Variants in NOL10 observed in about 807,000 individuals in gnomAD.
NOL10 encodes the protein H_NH0074G24.1.
In NOL10, 58 loss-of-function variants were observed where a neutral mutation model predicts 103.5. The ratio of observed to expected loss-of-function variants is 0.56; its 90% CI spans 0.45 to 0.70. The LOEUF (loss-of-function observed/expected upper bound fraction) is 0.70. Among genes scored for constraint, NOL10 ranks in the 30% least tolerant of loss-of-function variants. The pLI is 0.00. For missense variants in NOL10, 763 were observed against 807.3 expected (o/e 0.95, Z 0.67); for synonymous variants, 287 against 282.5 (o/e 1.02, Z -0.16).
At chr2:10,645,496 G>C (rs1678994996) in intron 12 of NOL10, among the ~76,000 whole-genome samples, 1 of 151,072 alleles carries the variant, frequency 6.6e-6, no homozygotes, top group African/African-American at 2.4e-5. Context: ...TGAGTGAATA[G>C]AGTCAATTAC....
chr2:10,638,792 CTTTTTTTTTTTTTT>C (rs575658225), intron 13 of NOL10, among the ~76,000 whole-genome samples: 5,864 of 53,080 alleles, frequency 0.11, 282 homozygotes, highest in Admixed American at 0.18. Context: ...CGTGCCTGGC[CTTTTTTTTTTTTTT>C]TTTTTTTTTT....
chr2:10,637,357 C>T (rs910754187), intron 13 of NOL10, among the ~76,000 whole-genome samples: 3 of 152,080 alleles, frequency 2.0e-5, no homozygotes, highest in Non-Finnish European at 4.4e-5. Context: ...AATGTCCATG[C>T]CATTTCCCTA....
chr2:10,657,759 T>A lies in NOL10; in HGVS notation c.889A>T (p.Met297Leu). The change falls in exon 11 of 21, where the codon ATG (methionine) becomes TTG (leucine). Residue 297 changes from methionine to leucine, a missense_variant. Coordinates refer to ENST00000381685, the MANE Select transcript of NOL10 (RefSeq NM_024894.4). Reference sequence around the variant, plus strand: ...ATACATACGGAGTTCTTATTCCACATCTTGACAATTCGAGAGTCAGCAGAC... The same window carrying A: ...ATACATACGGAGTTCTTATTCCACAACTTGACAATTCGAGAGTCAGCAGAC... ...ILSADSRIVK[M>L]WNKNSGKIFT... 6.4e-7 allele frequency: 1 copy of A among 1,550,780 alleles called. No homozygotes were observed. Among genetic ancestry groups the A allele is most frequent in the Non-Finnish European group, 8.7e-7 (1 of 1,146,706 alleles).
At chr2:10,618,575 C>G (rs1297488878) in intron 13 of NOL10, among the ~76,000 whole-genome samples, 1 of 152,226 alleles carries the variant, frequency 6.6e-6, no homozygotes, top group Middle Eastern at 3.4e-3. Flanking sequence ...ATGTGTTTTC[C>G]TATTTTTGTA....
At chr2:10,661,908 G>GAA (rs1249443174) in intron 9 of NOL10, among the ~76,000 whole-genome samples, 1 of 143,112 alleles carries the variant, frequency 7.0e-6, no homozygotes, top group African/African-American at 2.5e-5. Flanking sequence ...AAGCAAATCG[G>GAA]AAAAAAAAAA....
At chr2:10,611,656 C>T (rs1000081486) in intron 13 of NOL10, among the ~76,000 whole-genome samples, 4 of 152,102 alleles carry the variant, frequency 2.6e-5, no homozygotes, top group Non-Finnish European at 5.9e-5. Context: ...TGGCTCACAC[C>T]TGTAATCCCA....
chr2:10,611,205 A>G (rs1021118464), intron 13 of NOL10, among the ~76,000 whole-genome samples: 5 of 152,238 alleles, frequency 3.3e-5, no homozygotes, highest in African/African-American at 4.8e-5. Flanking sequence ...AATGATAATC[A>G]TATCAACCAA....
At chr2:10,667,827 T>G (rs998330916) in intron 7 of NOL10, among the ~76,000 whole-genome samples, 7 of 148,784 alleles carry the variant, frequency 4.7e-5, no homozygotes, top group East Asian at 2.0e-4. Flanking sequence ...CTACTACAAG[T>G]TTTTTTTTTA....
intron 13 of NOL10, chr2:10,634,516 G>T (rs1377449635): frequency 2.2e-6 from 1 of 456,600 alleles, no homozygotes; most frequent in Admixed American, 2.3e-5. Flanking sequence ...TGGAGAAGCC[G>T]AGTAGACTGG....
At chr2:10,654,064 C>G (rs1046837682) in intron 12 of NOL10, among the ~76,000 whole-genome samples, 6 of 152,186 alleles carry the variant, frequency 3.9e-5, no homozygotes, top group African/African-American at 1.4e-4. Flanking sequence ...TTTACAAAAC[C>G]TATGGCTTCA....
At chr2:10,606,429 A>C (rs1676262698) in intron 14 of NOL10, among the ~76,000 whole-genome samples, 1 of 151,946 alleles carries the variant, frequency 6.6e-6, no homozygotes, top group African/African-American at 2.4e-5. Flanking sequence ...GTTCAAGACC[A>C]GCCCGGCCAA....
At chr2:10,637,188 CAAAAAAAAAAA>C (rs61693251) in intron 13 of NOL10, among the ~76,000 whole-genome samples, 2 of 44,524 alleles carry the variant, frequency 4.5e-5, no homozygotes, top group African/African-American at 8.5e-5. Context: ...GACACTGTCT[CAAAAAAAAAAA>C]AAAAAAAAAA....
intron 13 of NOL10, among the ~76,000 whole-genome samples, chr2:10,640,175 A>G (rs776696081): frequency 5.3e-5 from 8 of 152,208 alleles, no homozygotes; most frequent in Non-Finnish European, 1.0e-4. Flanking sequence ...TCATACATTA[A>G]ACACACATTT....
At chr2:10,664,976 C>T (rs571303132) in intron 8 of NOL10, among the ~76,000 whole-genome samples, 90 of 152,310 alleles carry the variant, frequency 5.9e-4, no homozygotes, top group Non-Finnish European at 9.7e-4. Context: ...GTGTTCTTGT[C>T]TATCATTTGA....
At chr2:10,601,145 C>T (rs1675953696) in intron 16 of NOL10, among the ~76,000 whole-genome samples, 2 of 151,930 alleles carry the variant, frequency 1.3e-5, no homozygotes, top group South Asian at 4.1e-4. Flanking sequence ...CTCACTGCAA[C>T]CTCCGCCTCC....
At chr2:10,608,167 CT>C (rs1676358951) in intron 13 of NOL10, among the ~76,000 whole-genome samples, 1 of 152,088 alleles carries the variant, frequency 6.6e-6, no homozygotes, top group Non-Finnish European at 1.5e-5. Flanking sequence ...GTAATTTTTA[CT>C]TGCCATTTAA....
At chr2:10,667,871 TA>T (rs949821992) in intron 7 of NOL10, among the ~76,000 whole-genome samples, 151 of 151,388 alleles carry the variant, frequency 1.0e-3, no homozygotes, top group African/African-American at 3.5e-3. Context: ...CAATGTGAAA[TA>T]AAAAAAAATT....
At chr2:10,589,797 T>A in intron 17 of NOL10, 46 bp from the exon 18 acceptor site, 1 of 1,210,026 alleles carries the variant, frequency 8.3e-7, no homozygotes, top group Non-Finnish European at 1.1e-6. Flanking sequence ...AATATCTGAC[T>A]AAAATTTGAC....
In NOL10 at chr2:10,587,054, T is replaced by C. The variant is rs1466703878; in HGVS notation, c.1844+1989A>G. Among the ~76,000 whole-genome samples the C allele has an allele frequency of 4.1e-3, 203 of 49,664 alleles. 35 individuals carry two copies. The highest frequency in any genetic ancestry group is 6.4e-3 in the Non-Finnish European group (135 of 21,196). 32.6% of individuals were successfully genotyped at this position (49,664 alleles called of 152,430 possible). ...ACAAAAAGTTAAATGTATATATATA[T>C]ACATATATATATACATATATATACA... On this transcript the variant is annotated intron_variant, in intron 19 of 20. Transcript: ENST00000381685.
Sources: allele counts gnomAD v4.1 joint callset (sites outside exome capture counted in the v4.1 genomes callset), GRCh38; gene constraint gnomAD v4.1.1; transcripts MANE v1.5; gene names NCBI Gene and HGNC (gene_info 2026-07-23, HGNC 2026-07-21).